ZNF786: variants seen among roughly 807,000 people sequenced by gnomAD.
ZNF786 encodes zinc finger protein 786.
A neutral mutation model predicts 63.1 loss-of-function variants in ZNF786; 56 were observed. The ratio of observed to expected loss-of-function variants is 0.89; its 90% CI spans 0.72 to 1.11. The LOEUF is 1.11. ZNF786 is among the 50% of genes least tolerant of loss of function. The pLI, the probability that ZNF786 is intolerant of heterozygous loss-of-function variation, is 0.00. For synonymous variants in ZNF786, 485 were observed against 406.9 expected (o/e 1.19, Z -2.31); for missense variants, 1,213 against 1,041.8 (o/e 1.16, Z -2.26).
chr7:149,069,929 CTTTTAT>C lies in ZNF786; in HGVS notation c.*488_*493del, dbSNP rs1324729610. ...AACCACTGTGCCTGGCCTAAATTTA[CTTTTAT>C]AACAATTACTTTTTAAAATGTCAGA... On this transcript the variant is annotated 3_prime_UTR_variant, in exon 4 of 4. Transcript: ENST00000491431. The C allele has an allele frequency of 6.5e-6, 1 of 154,544 alleles. No individual in the cohort carries two copies. The highest frequency in any genetic ancestry group is 2.4e-5 in the African/African-American group (1 of 41,450). 9.6% of individuals were successfully genotyped at this position (154,544 alleles called of 1,614,324 possible).
rs1476739023 is a variant in ZNF786 at position 149,071,441 on chromosome 7, AT to A, written c.1330del (p.Ile444PhefsTer45). 1 of 1,612,292 alleles carries A rather than the reference AT, an allele frequency of 6.2e-7. No individual in the cohort carries two copies. The highest frequency in any genetic ancestry group is 8.5e-7 in the Non-Finnish European group (1 of 1,179,646). On this transcript the variant is annotated frameshift_variant, in exon 4 of 4. Coordinates refer to ENST00000491431, the MANE Select transcript of ZNF786 (RefSeq NM_152411.4). LOFTEE classifies it high-confidence loss of function. ...FAKQCKLTEH[I>X]RVHSGEKPFR... ...AGGCTTCTCTCCGCTGTGGACTCGA[AT>A]GTGCTCCGTGAGTTTACACTGCTTG...
chr7:149,089,967 G>A (rs1278042291), intron 1 of ZNF786, among the ~76,000 whole-genome samples: 7 of 151,930 alleles, frequency 4.6e-5, no homozygotes, highest in Non-Finnish European at 1.0e-4. Context: ...CACCCGCCTC[G>A]GCCTCCCAAA....
chr7:149,090,690 C>T lies in ZNF786; in HGVS notation c.-50G>A, dbSNP rs1290251645. On this transcript the variant is annotated 5_prime_UTR_variant, in exon 1 of 4. Coordinates refer to ENST00000491431, the MANE Select transcript of ZNF786 (RefSeq NM_152411.4). ...TGGCAAACCCGACCGTCTCCGGCGG[C>T]TCCGCAGGAACCTGCCCTGCTGCGC... 1.9e-6 allele frequency: 3 copies of T among 1,561,994 alleles called. No individual in the cohort carries two copies. Among genetic ancestry groups the T allele is most frequent in the Non-Finnish European group, 1.7e-6 (2 of 1,152,840 alleles).
chr7:149,072,273 C>G lies in ZNF786; in HGVS notation c.499G>C (p.Gly167Arg). 6.2e-7 allele frequency: 1 copy of G among 1,613,608 alleles called. No individual in the cohort carries two copies. The highest frequency in any genetic ancestry group is 1.6e-4 in the Middle Eastern group (1 of 6,062). Reference protein sequence around the residue: ...SESTLKEGIPGPRNLDLPGLW... With the variant: ...SESTLKEGIPRPRNLDLPGLW... ...CCAGGAAGATCCAGATTTCTGGGAC[C>G]TGGGATTCCTTCTTTTAGGGTAGAT... The change falls in exon 4 of 4, where the codon GGT becomes CGT. Residue 167 changes from glycine to arginine, a missense_variant. By Grantham distance (125) the Gly-to-Arg change is moderately radical. Coordinates refer to ENST00000491431, the MANE Select transcript of ZNF786 (RefSeq NM_152411.4).
At chr7:149,089,537 G>A (rs948838070) in intron 1 of ZNF786, among the ~76,000 whole-genome samples, 2 of 151,590 alleles carry the variant, frequency 1.3e-5, no homozygotes, top group Admixed American at 6.6e-5. Flanking sequence ...GGCTGGTCTT[G>A]AACTCCTGAC....
chr7:149,081,466 G>A (rs1045650156), intron 1 of ZNF786, among the ~76,000 whole-genome samples: 1 of 139,104 alleles, frequency 7.2e-6, no homozygotes, highest in African/African-American at 2.7e-5. Flanking sequence ...AAAAAAAAGT[G>A]TTCTCATGCG....
intron 1 of ZNF786, among the ~76,000 whole-genome samples, chr7:149,089,433 A>G (rs1277022376): frequency 6.6e-6 from 1 of 151,946 alleles, no homozygotes; most frequent in African/African-American, 2.4e-5. Flanking sequence ...TCCCTACCTC[A>G]GCCTCCCGAG....
At position 149,071,587 on chromosome 7, in the gene ZNF786, C is replaced by G. The variant is rs766710381; in HGVS notation, c.1185G>C (p.Lys395Asn). 1 of 1,609,630 alleles carries G rather than the reference C, an allele frequency of 6.2e-7. No homozygotes were observed. The highest frequency in any genetic ancestry group is 2.2e-5 in the East Asian group (1 of 44,774). ...TGGTGCAATGCGCACACTGGAAGGGCTTTTCTCCAGTATGCGCCCTGCAGG... is the reference window on the plus strand; with the variant it reads ...TGGTGCAATGCGCACACTGGAAGGGGTTTTCTCCAGTATGCGCCCTGCAGG... ...ASPCRAHTGE[K>N]PFQCAHCTKR... The change falls in exon 4 of 4, where the codon AAG (lysine) becomes AAC (asparagine). Residue 395 changes from lysine (K) to asparagine (N), a missense_variant. Coordinates refer to ENST00000491431, the MANE Select transcript of ZNF786 (RefSeq NM_152411.4).
At chr7:149,085,067 G>C (rs1166548201) in intron 1 of ZNF786, among the ~76,000 whole-genome samples, 1 of 152,112 alleles carries the variant, frequency 6.6e-6, no homozygotes, top group Non-Finnish European at 1.5e-5. Context: ...CCCACTGCTT[G>C]TTTTTGTTGA....
At chr7:149,076,719 GAA>G (rs71192749) in intron 2 of ZNF786, among the ~76,000 whole-genome samples, 1,786 of 127,654 alleles carry the variant, frequency 0.014, 28 homozygotes, top group African/African-American at 0.046. Flanking sequence ...ACTCCATCTT[GAA>G]AAAAAAAAAA....
chr7:149,087,379 A>G (rs1238748184), intron 1 of ZNF786, among the ~76,000 whole-genome samples: 2 of 152,202 alleles, frequency 1.3e-5, no homozygotes, highest in African/African-American at 4.8e-5. Flanking sequence ...GTGGTTCTCA[A>G]TCAGAACAAT....
rs1042454297 is a variant in ZNF786 at position 149,070,673 on chromosome 7, C to T, written c.2099G>A (p.Gly700Glu). Residue 700 changes from glycine (G) to glutamate (E), a missense_variant, in exon 4 of 4, where the codon GGG becomes GAG. Gly to Glu is a moderately conservative substitution (Grantham distance 98, BLOSUM62 -2). Transcript: ENST00000491431. Reference protein sequence around the residue: ...QLLSHQGLHTGERPFHCPECD... With the variant: ...QLLSHQGLHTEERPFHCPECD... ...CTCAGGGCAGTGAAAAGGCCTCTCC[C>T]CTGTGTGCAGGCCCTGATGGCTGAG... 6.8e-6 allele frequency: 11 copies of T among 1,613,864 alleles called. No homozygotes were observed. Among genetic ancestry groups the T allele is most frequent in the Admixed American group, 6.7e-5 (4 of 60,016 alleles).
In ZNF786 at chr7:149,070,234, A is replaced by T; in HGVS notation, c.*189T>A. On this transcript the variant is annotated 3_prime_UTR_variant, in exon 4 of 4. Transcript: ENST00000491431. The stretch of plus-strand genomic sequence containing the variant: ...TTGGAAAAAAAAAAAAAAAAGAAAG[A>T]AATATAATTGGTGATGCTTCTGAAG... 1.4e-6 allele frequency: 1 copy of T among 723,340 alleles called. No individual in the cohort carries two copies. The highest frequency in any genetic ancestry group is 2.1e-6 in the Non-Finnish European group (1 of 465,300). 44.8% of individuals were successfully genotyped at this position (723,340 alleles called of 1,614,324 possible).
intron 2 of ZNF786, among the ~76,000 whole-genome samples, chr7:149,077,360 A>G (rs532398014): frequency 5.0e-4 from 76 of 152,108 alleles, no homozygotes; most frequent in Non-Finnish European, 8.8e-4. Context: ...AGGCGTGGTG[A>G]CTCACGCCTG....
At position 149,071,934 on chromosome 7, in the gene ZNF786, C is replaced by G. The variant is rs577811192; in HGVS notation, c.838G>C (p.Glu280Gln). The G allele has an allele frequency of 1.4e-5, 22 of 1,609,800 alleles. No individual in the cohort carries two copies. The East Asian group carries it at 4.2e-4, about 31-fold the overall frequency. The change falls in exon 4 of 4, where the codon GAG (glutamate) becomes CAG (glutamine). Residue 280 changes from glutamate (E) to glutamine (Q), a missense_variant. By Grantham distance (29) the Glu-to-Gln change is conservative. Coordinates refer to ENST00000491431, the MANE Select transcript of ZNF786 (RefSeq NM_152411.4). The stretch of plus-strand genomic sequence containing the variant: ...AGGCGGTGGCTGGGATGGGTCAGCT[C>G]GTGTCGGAAGCACATTTCACCGTCA... ...NADGEMCFRH[E>Q]LTHPSHRLPQ... is the part of the protein sequence containing the mutation.
rs60194366 is a variant in ZNF786 at position 149,084,351 on chromosome 7, CAAAAAAAAAAAA to C, written c.19-3646_19-3635del. Among the ~76,000 whole-genome samples the C allele has an allele frequency of 3.4e-3, 211 of 62,326 alleles. 1 individual carries two copies. Among genetic ancestry groups the C allele is most frequent in the African/African-American group, 9.6e-3 (183 of 18,974 alleles). 40.9% of individuals were successfully genotyped at this position (62,326 alleles called of 152,430 possible). ...TGGACAACAGAGCAAAACTGCATCC[CAAAAAAAAAAAA>C]AAAAAAAAAAGTTAATTTTGCTTTG... On this transcript the variant is annotated intron_variant, in intron 1 of 3. Transcript: ENST00000491431.
In ZNF786 at chr7:149,070,663, A is replaced by G; in HGVS notation, c.2109T>C (p.Pro703=). 1 of 1,613,916 alleles carries G rather than the reference A, an allele frequency of 6.2e-7. No homozygotes were observed. Among genetic ancestry groups the G allele is most frequent in the Admixed American group, 1.7e-5 (1 of 60,020 alleles). Residue 703 remains proline, a synonymous_variant, in exon 4 of 4, where the codon CCT becomes CCC. Transcript: ENST00000491431. ...TCTTGTCACACTCAGGGCAGTGAAA[A>G]GGCCTCTCCCCTGTGTGCAGGCCCT... ...SHQGLHTGER[P]FHCPECDKNF...
chr7:149,070,375 C>T lies in ZNF786; in HGVS notation c.*48G>A, dbSNP rs746784992. The T allele has an allele frequency of 6.3e-7, 1 of 1,584,134 alleles. No homozygotes were observed. Reference sequence around the variant, plus strand: ...GGTCTGGCTACTGTTGCTGTGGATTCCTGGGCAATACCAATCCTGCTCAAC... The same window carrying T: ...GGTCTGGCTACTGTTGCTGTGGATTTCTGGGCAATACCAATCCTGCTCAAC... On this transcript the variant is annotated 3_prime_UTR_variant, in exon 4 of 4. Coordinates refer to ENST00000491431, the MANE Select transcript of ZNF786 (RefSeq NM_152411.4).
intron 1 of ZNF786, among the ~76,000 whole-genome samples, chr7:149,083,311 G>A (rs1282768188): frequency 6.6e-6 from 1 of 151,946 alleles, no homozygotes. Flanking sequence ...CACCCACCAG[G>A]GTTCAAGCAG....
Sources: allele counts gnomAD v4.1 joint callset (sites outside exome capture counted in the v4.1 genomes callset), GRCh38; gene constraint gnomAD v4.1.1; transcripts MANE v1.5; gene names NCBI Gene and HGNC (gene_info 2026-07-23, HGNC 2026-07-21).